The following KCNK13 variants were observed in gnomAD, a reference collection of about 807,000 sequenced individuals.
KCNK13 encodes potassium two pore domain channel subfamily K member 13, also known as potassium channel subfamily K member 13.
KCNK13 carries 12 observed loss-of-function variants against 23.4 expected under a neutral mutation model. The ratio of observed to expected loss-of-function variants is 0.51; its 90% CI spans 0.33 to 0.83. The LOEUF (loss-of-function observed/expected upper bound fraction) is 0.83. KCNK13 is among the 40% of genes least tolerant of loss of function. KCNK13 has a pLI of 0.02. For synonymous variants in KCNK13, 231 were observed against 229.5 expected, an observed-to-expected ratio of 1.01 and a Z score of -0.06; for missense variants, 463 against 556.3, an observed-to-expected ratio of 0.83 and a Z score of 1.69.
At position 90,184,857 on chromosome 14, in the gene KCNK13, G is replaced by C; in HGVS notation, c.1081G>C (p.Ala361Pro). The change falls in exon 2 of 2, where the codon GCC (alanine) becomes CCC (proline). Residue 361 changes from alanine (A) to proline (P), a missense_variant. Around this residue, in one of 3 missense-constraint regions of KCNK13, gnomAD observed 166 missense variants for 178.8 expected, o/e 0.93. Coordinates refer to ENST00000282146, the MANE Select transcript of KCNK13 (RefSeq NM_022054.4). The surrounding 1 kb of genome is among the most constrained non-coding windows in gnomAD (Gnocchi z 5.6). The part of the protein sequence containing the change: ...DLLAANKASL[A>P]ILQKQLSEMA... ...GCTGGCAGCCAACAAGGCCTCGTTGGCCATCCTGCAGAAGCAACTGTCTGA... is the reference window on the plus strand; with the variant it reads ...GCTGGCAGCCAACAAGGCCTCGTTGCCCATCCTGCAGAAGCAACTGTCTGA... 6.2e-7 allele frequency: 1 copy of C among 1,613,818 alleles called. No individual in the cohort carries two copies. Among genetic ancestry groups the C allele is most frequent in the Non-Finnish European group, 8.5e-7 (1 of 1,179,958 alleles).
chr14:90,164,397 C>T (rs780348856), intron 1 of KCNK13, among the ~76,000 whole-genome samples: 15 of 152,052 alleles, frequency 9.9e-5, no homozygotes, highest in East Asian at 1.9e-4. Flanking sequence ...GCCTAGAAGG[C>T]GCCTCTAAAA....
At chr14:90,134,948 A>G (rs17260667) in intron 1 of KCNK13, among the ~76,000 whole-genome samples, 8,024 of 152,314 alleles carry the variant, frequency 0.053, 271 homozygotes, top group East Asian at 0.18. Flanking sequence ...GGAATTGTGG[A>G]GCTCACAGTA....
chr14:90,094,657 T>C (rs1566950425), intron 1 of KCNK13, among the ~76,000 whole-genome samples: 1 of 145,652 alleles, frequency 6.9e-6, no homozygotes, highest in African/African-American at 2.5e-5. Context: ...TTTTTTTTTT[T>C]TTTTTTTTTT....
intron 1 of KCNK13, among the ~76,000 whole-genome samples, chr14:90,137,229 A>G (rs1889947910): frequency 1.3e-5 from 2 of 152,090 alleles, no homozygotes; most frequent in African/African-American, 4.8e-5. Flanking sequence ...TACCTAGTGA[A>G]TTTGGCAGCC....
chr14:90,173,240 C>T (rs1342195433), intron 1 of KCNK13, among the ~76,000 whole-genome samples: 1 of 152,080 alleles, frequency 6.6e-6, no homozygotes, highest in Admixed American at 6.6e-5. Flanking sequence ...GCCTGTAGTC[C>T]CAGCTACTTG....
At chr14:90,167,263 G>A (rs1012551584) in intron 1 of KCNK13, among the ~76,000 whole-genome samples, 6 of 152,102 alleles carry the variant, frequency 3.9e-5, no homozygotes, top group African/African-American at 1.4e-4. Context: ...CCCTCGTATC[G>A]CAGTCATGAA....
In KCNK13 at chr14:90,143,105, C is replaced by T. The variant is rs138777617; in HGVS notation, c.335-41006C>T. 3.7e-3 allele frequency among the ~76,000 whole-genome samples: 563 copies of T among 150,782 alleles called. 1 individual carries two copies. The highest frequency in any genetic ancestry group is 0.017 in the Middle Eastern group (5 of 288). On this transcript the variant is annotated intron_variant, in intron 1 of 1. Transcript: ENST00000282146. ...CTGGTAAGGAAAAAAGGTAGGGACACCTTTACAAATTTATGTCCCTGTTTT... is the reference window on the plus strand; with the variant it reads ...CTGGTAAGGAAAAAAGGTAGGGACATCTTTACAAATTTATGTCCCTGTTTT...
chr14:90,124,150 A>G (rs1400606671), intron 1 of KCNK13, among the ~76,000 whole-genome samples: 5 of 152,228 alleles, frequency 3.3e-5, no homozygotes, highest in Non-Finnish European at 5.9e-5. Flanking sequence ...TCAGCAAAAT[A>G]TCAGCACCGC....
At chr14:90,162,182 A>G (rs1890259107) in intron 1 of KCNK13, among the ~76,000 whole-genome samples, 2 of 152,144 alleles carry the variant, frequency 1.3e-5, no homozygotes, top group East Asian at 1.9e-4. Flanking sequence ...CTCTCTCAGA[A>G]AAAACAAAAC....
chr14:90,081,815 C>T (rs1436408873), intron 1 of KCNK13, among the ~76,000 whole-genome samples: 2 of 152,120 alleles, frequency 1.3e-5, no homozygotes, highest in Non-Finnish European at 2.9e-5. Context: ...GAGGTGGCGC[C>T]TTGAAGGAAT....
At chr14:90,082,160 T>C (rs925287101) in intron 1 of KCNK13, among the ~76,000 whole-genome samples, 13 of 152,120 alleles carry the variant, frequency 8.5e-5, no homozygotes, top group South Asian at 2.1e-4. Flanking sequence ...TTCCTGCGCT[T>C]AAGTGATTCT....
At chr14:90,177,218 A>G (rs1232691715) in intron 1 of KCNK13, 2 of 152,200 alleles carry the variant, frequency 1.3e-5, no homozygotes, top group Non-Finnish European at 2.9e-5. Flanking sequence ...GCAGTAATGA[A>G]AGAGGCTGGT....
At chr14:90,102,697 A>G (rs1289636640) in intron 1 of KCNK13, among the ~76,000 whole-genome samples, 1 of 152,148 alleles carries the variant, frequency 6.6e-6, no homozygotes, top group Non-Finnish European at 1.5e-5. Flanking sequence ...AGATGTTAAC[A>G]CTGACTTTCT....
Position 90,160,614 on chromosome 14 carries a change from G to A in KCNK13, c.335-23497G>A, listed in dbSNP as rs111492267. Among the ~76,000 whole-genome samples, 1,442 of 152,034 alleles carry A rather than the reference G, an allele frequency of 9.5e-3. 19 individuals carry two copies. The highest frequency in any genetic ancestry group is 0.033 in the African/African-American group (1,366 of 41,476). On this transcript the variant is annotated intron_variant, in intron 1 of 1. Transcript: ENST00000282146. ...TCCCAGCACTTTGAGAGGCCAAGGC[G>A]GGTGGATCACCTGAGGTCAGGAGTT...
intron 1 of KCNK13, among the ~76,000 whole-genome samples, chr14:90,077,045 T>A (rs1158612647): frequency 6.7e-6 from 1 of 149,470 alleles, no homozygotes; most frequent in Non-Finnish European, 1.5e-5. Context: ...GGTCTCGATC[T>A]CCTGACCTCG....
At chr14:90,129,521 A>G (rs1041908282) in intron 1 of KCNK13, among the ~76,000 whole-genome samples, 5 of 152,286 alleles carry the variant, frequency 3.3e-5, no homozygotes, top group African/African-American at 1.2e-4. Flanking sequence ...CTGCTGCTCC[A>G]GACTCCACTT....
At chr14:90,143,476 C>A (rs1890038834) in intron 1 of KCNK13, among the ~76,000 whole-genome samples, 1 of 152,052 alleles carries the variant, frequency 6.6e-6, no homozygotes, top group South Asian at 2.1e-4. Context: ...CAGTTGACCA[C>A]GTATGTGTGG....
chr14:90,128,739 G>T (rs12894519), intron 1 of KCNK13, among the ~76,000 whole-genome samples: 139,457 of 152,220 alleles, frequency 0.92, 64,397 homozygotes, highest in East Asian at 0.97. Flanking sequence ...TTCCTGAGCA[G>T]CATTCTCCGA....
chr14:90,147,612 A>G (rs1168375642), intron 1 of KCNK13, among the ~76,000 whole-genome samples: 2 of 152,128 alleles, frequency 1.3e-5, no homozygotes, highest in African/African-American at 2.4e-5. Context: ...AGTTATTACA[A>G]TATTTTCCTT....
Sources: allele counts gnomAD v4.1 joint callset (sites outside exome capture counted in the v4.1 genomes callset), GRCh38; gene constraint gnomAD v4.1.1; regional missense constraint gnomAD v4.1.1; non-coding constraint Gnocchi (gnomAD v3.1); transcripts MANE v1.5; gene names NCBI Gene and HGNC (gene_info 2026-07-23, HGNC 2026-07-21).